The following TNR variants were observed in gnomAD, a reference collection of about 807,000 sequenced individuals.
TNR encodes the protein tenascin R, also known as tenascin-R.
Under a neutral mutation model 150.4 loss-of-function variants are expected in TNR, and 45 were observed. That is an observed-to-expected ratio of 0.30 (90% confidence interval 0.24 to 0.38). The LOEUF (loss-of-function observed/expected upper bound fraction) is 0.38. Among genes scored for constraint, TNR ranks in the 10% least tolerant of loss-of-function variants. TNR has a pLI of 1.00. For synonymous variants in TNR, 687 were observed against 678.4 expected (o/e 1.01, Z -0.20); for missense variants, 1,544 against 1,759.1 (o/e 0.88, Z 2.19).
At chr1:175,557,043 G>A (rs942211334) in intron 1 of TNR, among the ~76,000 whole-genome samples, 1 of 152,200 alleles carries the variant, frequency 6.6e-6, no homozygotes, top group Non-Finnish European at 1.5e-5. Flanking sequence ...ACAGGGAGCT[G>A]AGGATGTCTC....
chr1:175,332,891 A>T (rs2101988281), intron 20 of TNR, among the ~76,000 whole-genome samples: 1 of 152,340 alleles, frequency 6.6e-6, no homozygotes, highest in South Asian at 2.1e-4. Flanking sequence ...TGATGACATG[A>T]GATATATAAG....
At chr1:175,430,105 C>A (rs1322323382) in intron 2 of TNR, among the ~76,000 whole-genome samples, 2 of 150,864 alleles carry the variant, frequency 1.3e-5, no homozygotes, top group Admixed American at 6.6e-5. Flanking sequence ...GATATTATAT[C>A]TATTATCATT....
intron 2 of TNR, among the ~76,000 whole-genome samples, chr1:175,438,720 C>A (rs1245539422): frequency 2.0e-5 from 3 of 152,188 alleles, no homozygotes; most frequent in Non-Finnish European, 4.4e-5. Flanking sequence ...CACAAGCATT[C>A]TTATAAACCA....
At chr1:175,430,093 A>G (rs1269620066) in intron 2 of TNR, among the ~76,000 whole-genome samples, 1 of 150,842 alleles carries the variant, frequency 6.6e-6, no homozygotes, top group Non-Finnish European at 1.5e-5. Context: ...AATATAGATA[A>G]TGATATTATA....
intron 19 of TNR, 78 bp from the exon 20 acceptor site, chr1:175,335,885 T>C (rs1650223783): frequency 7.6e-7 from 1 of 1,308,398 alleles, no homozygotes. Flanking sequence ...AAATAAACTG[T>C]GATAAGTAAA....
At chr1:175,634,150 C>T (rs1019661578) in intron 1 of TNR, among the ~76,000 whole-genome samples, 2 of 152,140 alleles carry the variant, frequency 1.3e-5, no homozygotes, top group African/African-American at 2.4e-5. Context: ...TTTTGAAAAA[C>T]GTTTGCTGTT....
chr1:175,550,345 A>G (rs1660890544), intron 1 of TNR, among the ~76,000 whole-genome samples: 1 of 152,092 alleles, frequency 6.6e-6, no homozygotes, highest in Non-Finnish European at 1.5e-5. Flanking sequence ...CCTCACCTCC[A>G]CAGGAGGCAA....
chr1:175,367,398 GTGTTT>G, intron 9 of TNR, 101 bp from the exon 10 acceptor site: 1 of 893,532 alleles, frequency 1.1e-6, no homozygotes, highest in Non-Finnish European at 1.8e-6. Context: ...TTCATATCTT[GTGTTT>G]AGTCCTCCTT....
Position 175,370,338 on chromosome 1 carries a change from C to CTTTTTTTTTTTTTTTTTTTTTTTTT in TNR, c.1964-3066_1964-3042dup, listed in dbSNP as rs55795922. 6.5e-4 allele frequency among the ~76,000 whole-genome samples: 28 copies of CTTTTTTTTTTTTTTTTTTTTTTTTT among 42,974 alleles called. 4 individuals are homozygous for CTTTTTTTTTTTTTTTTTTTTTTTTT. The highest frequency in any genetic ancestry group is 2.0e-3 in the African/African-American group (24 of 11,804). The allele number at this position is 42,974 out of a possible 152,430, so 28.2% of individuals were successfully genotyped here. The stretch of plus-strand genomic sequence containing the variant: ...GAGAACTATTCCTGGATTTTGAGTA[C>CTTTTTTTTTTTTTTTTTTTTTTTTT]TTTTTTTTTTTTTTTTTTTTTTTTT... On this transcript the variant is annotated intron_variant, in intron 9 of 22. Coordinates refer to ENST00000367674, the MANE Select transcript of TNR (RefSeq NM_003285.3).
chr1:175,335,631 T>C, intron 20 of TNR, 80 bp downstream of exon 20: 4 of 1,386,262 alleles, frequency 2.9e-6, no homozygotes, highest in Middle Eastern at 1.8e-4. Context: ...TTTCTGATAA[T>C]CTCAGATGGA....
intron 10 of TNR, among the ~76,000 whole-genome samples, chr1:175,366,450 A>G (rs896030275): frequency 6.6e-6 from 1 of 152,188 alleles, no homozygotes; most frequent in African/African-American, 2.4e-5. Context: ...TCCTTTCTCA[A>G]TGAGCCAATA....
intron 2 of TNR, among the ~76,000 whole-genome samples, chr1:175,440,305 C>T (rs1284033939): frequency 6.8e-6 from 1 of 148,040 alleles, no homozygotes; most frequent in Non-Finnish European, 1.5e-5. Flanking sequence ...TGTTTTCACT[C>T]ATAGGTGGGA....
intron 2 of TNR, among the ~76,000 whole-genome samples, chr1:175,436,176 C>A (rs1655499490): frequency 6.6e-6 from 1 of 152,078 alleles, no homozygotes; most frequent in African/African-American, 2.4e-5. Flanking sequence ...TGAATCTGAA[C>A]GTTGGCCTGC....
intron 10 of TNR, 58 bp downstream of exon 10, chr1:175,367,150 T>C: frequency 2.6e-6 from 4 of 1,523,314 alleles, no homozygotes; most frequent in Non-Finnish European, 3.6e-6. Flanking sequence ...CGAGCCTCCA[T>C]GACTCCTTAG....
intron 7 of TNR, among the ~76,000 whole-genome samples, chr1:175,388,282 G>A (rs1322882688): frequency 6.6e-6 from 1 of 152,012 alleles, no homozygotes; most frequent in Non-Finnish European, 1.5e-5. Flanking sequence ...AAAGTGTCAG[G>A]GAAATGCAAC....
chr1:175,548,073 C>A (rs1050845435), intron 1 of TNR, among the ~76,000 whole-genome samples: 2 of 152,158 alleles, frequency 1.3e-5, no homozygotes, highest in African/African-American at 2.4e-5. Context: ...CACATCCAGG[C>A]GAGACAACAG....
At chr1:175,484,314 C>T (rs1281887026) in intron 2 of TNR, among the ~76,000 whole-genome samples, 3 of 152,122 alleles carry the variant, frequency 2.0e-5, no homozygotes, top group African/African-American at 7.2e-5. Flanking sequence ...TCCTCCTTTT[C>T]TGTCTACACT....
At chr1:175,451,589 T>C (rs78023138) in intron 2 of TNR, among the ~76,000 whole-genome samples, 2,140 of 152,210 alleles carry the variant, frequency 0.014, 53 homozygotes, top group African/African-American at 0.049. Context: ...GGGACTAGGA[T>C]TGGGGAGACA....
At chr1:175,342,770 C>T (rs1214794562) in intron 18 of TNR, among the ~76,000 whole-genome samples, 1 of 152,256 alleles carries the variant, frequency 6.6e-6, no homozygotes, top group East Asian at 1.9e-4. Flanking sequence ...CTGCAGACCA[C>T]CTGCCTTCTG....
Sources: gnomAD v4.1 joint callset for allele counts (sites outside exome capture counted in the v4.1 genomes callset) on GRCh38, gnomAD v4.1.1 for gene constraint, MANE v1.5 for transcripts, NCBI Gene and HGNC (gene_info 2026-07-23, HGNC 2026-07-21) for gene names.